The following CSMD3 variants were observed in gnomAD, a reference collection of about 807,000 sequenced individuals.
CSMD3 encodes the protein CUB and Sushi multiple domains 3.
Under a neutral mutation model 435.2 loss-of-function variants are expected in CSMD3, and 177 were observed. That is an observed-to-expected ratio of 0.41 (90% confidence interval 0.36 to 0.46). The LOEUF (loss-of-function observed/expected upper bound fraction) is 0.46. CSMD3 is among the 20% of genes least tolerant of loss of function. The probability of loss-of-function intolerance (pLI) is 0.34; values close to 1 mark genes in which losing one functional copy is unlikely to be tolerated. For missense variants in CSMD3, 4,265 were observed against 4,504.6 expected (o/e 0.95, Z 1.52); for synonymous variants, 1,656 against 1,520.5 (o/e 1.09, Z -2.07).
intron 22 of CSMD3, among the ~76,000 whole-genome samples, chr8:112,606,532 C>G (rs570583908): frequency 1.3e-5 from 2 of 152,256 alleles, no homozygotes; most frequent in East Asian, 3.9e-4. Flanking sequence ...TTGAACTACC[C>G]TATAGACCAA....
At chr8:112,529,253 A>G (rs928222324) in intron 27 of CSMD3, among the ~76,000 whole-genome samples, 4 of 152,146 alleles carry the variant, frequency 2.6e-5, no homozygotes, top group Middle Eastern at 3.2e-3. Flanking sequence ...AGTGGTTTGG[A>G]CTGGTAGTGT....
At chr8:112,442,386 G>C (rs1815124714) in intron 32 of CSMD3, among the ~76,000 whole-genome samples, 1 of 151,964 alleles carries the variant, frequency 6.6e-6, no homozygotes, top group South Asian at 2.1e-4. Flanking sequence ...CAAGGTTTAG[G>C]GACATAATCA....
Position 112,234,339 on chromosome 8 carries a change from G to A in CSMD3, c.10740+26C>T, listed in dbSNP as rs1384290156. ...TACAAATTTATCATTAAAATCAGCA[G>A]CAGATGTTAAAATAACTATACTTAC... On this transcript the variant is annotated intron_variant, in intron 68 of 70. Coordinates refer to ENST00000297405, the MANE Select transcript of CSMD3 (RefSeq NM_198123.2). 5.7e-6 allele frequency: 8 copies of A among 1,391,306 alleles called. No individual in the cohort carries two copies. The African/African-American group carries it at 9.9e-5, about 17-fold the overall frequency. The allele number at this position is 1,391,306 out of a possible 1,614,324, so 86.2% of individuals were successfully genotyped here.
intron 16 of CSMD3, among the ~76,000 whole-genome samples, chr8:112,669,872 A>G (rs1032971352): frequency 2.0e-5 from 3 of 152,160 alleles, no homozygotes; most frequent in African/African-American, 7.2e-5. Context: ...AGATAAGAAA[A>G]CTGATGTGTA....
chr8:112,541,802 G>A (rs934718529), intron 27 of CSMD3, among the ~76,000 whole-genome samples: 3 of 151,862 alleles, frequency 2.0e-5, no homozygotes, highest in South Asian at 2.1e-4. Context: ...AATATTCCCT[G>A]ATACCAAAGC....
At chr8:113,380,258 T>C (rs562377565) in intron 1 of CSMD3, among the ~76,000 whole-genome samples, 1 of 152,310 alleles carries the variant, frequency 6.6e-6, no homozygotes, top group South Asian at 2.1e-4. Context: ...GTTTATCTTA[T>C]AACATTCTAA....
At chr8:112,356,887 CT>C (rs1465016264) in intron 38 of CSMD3, among the ~76,000 whole-genome samples, 16 of 152,214 alleles carry the variant, frequency 1.1e-4, no homozygotes, top group African/African-American at 3.9e-4. Context: ...AAACCTCTTT[CT>C]TTTGTAAATT....
intron 35 of CSMD3, among the ~76,000 whole-genome samples, chr8:112,395,293 A>C (rs980178236): frequency 6.6e-6 from 1 of 152,196 alleles, no homozygotes; most frequent in African/African-American, 2.4e-5. Flanking sequence ...AGATAATTAT[A>C]TCTACCTTCC....
At chr8:112,463,517 C>A (rs1817662396) in intron 32 of CSMD3, among the ~76,000 whole-genome samples, 1 of 152,164 alleles carries the variant, frequency 6.6e-6, no homozygotes, top group South Asian at 2.1e-4. Flanking sequence ...GGCAAACTTG[C>A]ACTTAGAGCT....
At chr8:113,213,423 A>ACTT (rs1257564184) in intron 3 of CSMD3, among the ~76,000 whole-genome samples, 12 of 152,050 alleles carry the variant, frequency 7.9e-5, no homozygotes, top group African/African-American at 2.7e-4. Context: ...AGTAGTTCAA[A>ACTT]CTGAACTCTT....
rs770230755 is a variant in CSMD3 at position 112,636,775 on chromosome 8, G to A, written c.3715+42C>T. The A allele has an allele frequency of 1.2e-5, 18 of 1,502,804 alleles. No individual in the cohort carries two copies. The Admixed American group carries it at 2.0e-4, about 17-fold the overall frequency. 93.1% of individuals were successfully genotyped at this position (1,502,804 alleles called of 1,614,324 possible). A position where few individuals can be genotyped will look rare whatever the true frequency, so the allele number is the denominator to read the frequency against. On this transcript the variant is annotated intron_variant, in intron 22 of 70. Coordinates refer to ENST00000297405, the MANE Select transcript of CSMD3 (RefSeq NM_198123.2). ...GTGTAACCATGCAACTCCATGGACA[G>A]TGACTACACATACAAGCAAATGAAA...
intron 45 of CSMD3, among the ~76,000 whole-genome samples, chr8:112,332,699 G>T (rs1347936314): frequency 6.6e-6 from 1 of 152,072 alleles, no homozygotes; most frequent in Non-Finnish European, 1.5e-5. Flanking sequence ...CAAACAGTAG[G>T]CTTCATTAGG....
chr8:112,308,474 GT>G (rs1476403310), intron 50 of CSMD3, among the ~76,000 whole-genome samples: 1 of 151,882 alleles, frequency 6.6e-6, no homozygotes, highest in East Asian at 1.9e-4. Flanking sequence ...CCTATGGATA[GT>G]TAACAATTTA....
chr8:112,366,942 ATTTTAATTCCAT>A (rs1264980913), intron 38 of CSMD3, among the ~76,000 whole-genome samples: 2 of 152,064 alleles, frequency 1.3e-5, no homozygotes, highest in Non-Finnish European at 2.9e-5. Context: ...TTAAATTTAT[ATTTTAATTCCAT>A]TTTTAATTCC....
chr8:112,331,353 C>A (rs1439718309), intron 45 of CSMD3, among the ~76,000 whole-genome samples: 1 of 151,944 alleles, frequency 6.6e-6, no homozygotes, highest in Non-Finnish European at 1.5e-5. Flanking sequence ...AAAAACATTT[C>A]CTCAAATGAG....
chr8:112,935,753 T>A (rs565394114), intron 9 of CSMD3, among the ~76,000 whole-genome samples: 2 of 152,148 alleles, frequency 1.3e-5, no homozygotes, highest in East Asian at 3.9e-4. Context: ...ATCAATTTAT[T>A]CTAACTGCAA....
chr8:113,432,933 AGCACACAC>A (rs917096663), intron 1 of CSMD3, among the ~76,000 whole-genome samples: 3 of 152,184 alleles, frequency 2.0e-5, no homozygotes, highest in African/African-American at 7.2e-5. Context: ...TCCTCCCAGC[AGCACACAC>A]GCACACACGC....
chr8:112,817,285 A>G (rs1181198833), intron 12 of CSMD3, among the ~76,000 whole-genome samples: 1 of 152,076 alleles, frequency 6.6e-6, no homozygotes, highest in East Asian at 1.9e-4. Flanking sequence ...TGCAGATGAA[A>G]AGGGTAGACT....
chr8:112,708,315 G>T (rs1431844315), intron 13 of CSMD3, among the ~76,000 whole-genome samples: 1 of 151,990 alleles, frequency 6.6e-6, no homozygotes, highest in Non-Finnish European at 1.5e-5. Context: ...ATACCCAGAT[G>T]GTAGAGAATG....
Sources: allele counts gnomAD v4.1 joint callset (sites outside exome capture counted in the v4.1 genomes callset), GRCh38; gene constraint gnomAD v4.1.1; transcripts MANE v1.5; gene names NCBI Gene and HGNC (gene_info 2026-07-23, HGNC 2026-07-21).